GALNTL6: variants seen among roughly 807,000 people sequenced by gnomAD.
The protein encoded by GALNTL6 is polypeptide N-acetylgalactosaminyltransferase-like 6.
Under a neutral mutation model 73.7 loss-of-function variants are expected in GALNTL6, and 46 were observed. The observed-to-expected ratio is 0.62, with a 90% CI of 0.49 to 0.80. GALNTL6 has a LOEUF of 0.80. Ranked by LOEUF, GALNTL6 falls within the 30% of genes least tolerant of loss-of-function variation. The pLI is 0.00. For synonymous variants in GALNTL6, 259 were observed against 263.7 expected (o/e 0.98, Z 0.17); for missense variants, 604 against 755.0 (o/e 0.80, Z 2.34).
chr4:172,052,868 A>G (rs1023563373), intron 2 of GALNTL6, among the ~76,000 whole-genome samples: 33 of 152,268 alleles, frequency 2.2e-4, no homozygotes, highest in African/African-American at 7.9e-4. Context: ...TCTCTCACAC[A>G]CACAATTGTA....
At chr4:172,581,465 T>C (rs117694574) in intron 5 of GALNTL6, among the ~76,000 whole-genome samples, 11 of 152,322 alleles carry the variant, frequency 7.2e-5, no homozygotes, top group African/African-American at 2.6e-4. Context: ...TTACTCCCCA[T>C]GTAGACAGCC....
intron 5 of GALNTL6, among the ~76,000 whole-genome samples, chr4:172,729,082 T>G (rs1735997133): frequency 6.6e-6 from 1 of 152,176 alleles, no homozygotes; most frequent in South Asian, 2.1e-4. Context: ...GTTTTTCCAT[T>G]ATTGAGTTGT....
chr4:172,637,918 C>CT, intron 5 of GALNTL6, among the ~76,000 whole-genome samples: 1 of 152,112 alleles, frequency 6.6e-6, no homozygotes, highest in Non-Finnish European at 1.5e-5. Flanking sequence ...TTTTTGTCCT[C>CT]TTTTATTACC....
intron 5 of GALNTL6, chr4:172,666,670 T>C (rs1364807667): frequency 2.6e-5 from 4 of 152,230 alleles, no homozygotes; most frequent in Admixed American, 6.5e-5. Flanking sequence ...TGTCTTCCTT[T>C]ACCACCCTGA....
chr4:172,448,746 C>A (rs1473179751), intron 5 of GALNTL6, among the ~76,000 whole-genome samples: 2 of 152,022 alleles, frequency 1.3e-5, no homozygotes, highest in East Asian at 3.9e-4. Flanking sequence ...TCTTGGGGAG[C>A]AGACAAGAAG....
chr4:172,262,902 T>C (rs1329217873), intron 3 of GALNTL6, among the ~76,000 whole-genome samples: 2 of 151,574 alleles, frequency 1.3e-5, no homozygotes, highest in Admixed American at 6.6e-5. Context: ...GATACAAAAT[T>C]CTTGGCTGAC....
At chr4:172,247,792 G>C (rs2111007168) in intron 3 of GALNTL6, among the ~76,000 whole-genome samples, 1 of 151,918 alleles carries the variant, frequency 6.6e-6, no homozygotes, top group Non-Finnish European at 1.5e-5. Context: ...CATACACTTA[G>C]GTTAAAATAA....
intron 5 of GALNTL6, among the ~76,000 whole-genome samples, chr4:172,802,416 G>T (rs1306367000): frequency 1.3e-5 from 2 of 151,874 alleles, no homozygotes; most frequent in Non-Finnish European, 2.9e-5. Context: ...TTTTATTGGG[G>T]GTCTGAAGAA....
intron 2 of GALNTL6, among the ~76,000 whole-genome samples, chr4:172,154,882 G>T (rs1233066139): frequency 6.6e-6 from 1 of 152,318 alleles, no homozygotes; most frequent in Middle Eastern, 3.4e-3. Context: ...GCTGTAGTCT[G>T]AAAGTTTATG....
At chr4:172,749,145 A>T (rs564153968) in intron 5 of GALNTL6, among the ~76,000 whole-genome samples, 2 of 152,092 alleles carry the variant, frequency 1.3e-5, no homozygotes, top group Admixed American at 1.3e-4. Flanking sequence ...CTGGTCTCAA[A>T]CTATACAATT....
chr4:172,222,403 T>C (rs1472740547), intron 2 of GALNTL6, among the ~76,000 whole-genome samples: 1 of 151,902 alleles, frequency 6.6e-6, no homozygotes, highest in African/African-American at 2.4e-5. Flanking sequence ...ATAAATCCCA[T>C]AAGGAAATAT....
chr4:172,239,968 C>T (rs1165169483), intron 3 of GALNTL6, among the ~76,000 whole-genome samples: 1 of 152,118 alleles, frequency 6.6e-6, no homozygotes, highest in African/African-American at 2.4e-5. Flanking sequence ...GTGACCTGCT[C>T]CTTCTCTTTA....
rs112088504 is a variant in GALNTL6, at chr4:172,074,009, C to T, written c.139-155647C>T. Among the ~76,000 whole-genome samples the T allele has an allele frequency of 2.5e-3, 377 of 152,280 alleles. 2 individuals carry two copies. The highest frequency in any genetic ancestry group is 8.2e-3 in the African/African-American group (340 of 41,564). ...CAGTAAGTTAGATCCTTAACTTCCC[C>T]TTATCTCTACTCCCTCACCTGTAGA... On this transcript the variant is annotated intron_variant, in intron 2 of 12. Transcript: ENST00000506823.
At chr4:172,409,888 A>G (rs1744372058) in intron 5 of GALNTL6, among the ~76,000 whole-genome samples, 1 of 152,084 alleles carries the variant, frequency 6.6e-6, no homozygotes, top group Admixed American at 6.6e-5. Flanking sequence ...TTGAGCATCT[A>G]TAATGTGCTA....
intron 3 of GALNTL6, among the ~76,000 whole-genome samples, chr4:172,246,818 G>A (rs916188846): frequency 1.4e-5 from 2 of 143,190 alleles, no homozygotes; most frequent in Admixed American, 6.9e-5. Context: ...ATATATATAT[G>A]TATATATATA....
At chr4:172,177,752 T>TGTACAC (rs1560955363) in intron 2 of GALNTL6, among the ~76,000 whole-genome samples, 7 of 132,734 alleles carry the variant, frequency 5.3e-5, no homozygotes, top group African/African-American at 2.6e-4. Context: ...TGTGTATATA[T>TGTACAC]ATGTGTGTAT....
intron 2 of GALNTL6, among the ~76,000 whole-genome samples, chr4:172,099,401 AGTG>A (rs1159752897): frequency 6.6e-6 from 1 of 152,212 alleles, no homozygotes; most frequent in African/African-American, 2.4e-5. Context: ...CAATTTTGTA[AGTG>A]ATGATACCCG....
chr4:172,421,154 TAAAGTA>T (rs1349721855), intron 5 of GALNTL6, among the ~76,000 whole-genome samples: 1 of 151,924 alleles, frequency 6.6e-6, no homozygotes, highest in Non-Finnish European at 1.5e-5. Context: ...TCCCAGAACT[TAAAGTA>T]AAATAAAATA....
intron 10 of GALNTL6, among the ~76,000 whole-genome samples, chr4:172,955,002 T>A (rs1749643996): frequency 6.6e-6 from 1 of 152,152 alleles, no homozygotes; most frequent in South Asian, 2.1e-4. Flanking sequence ...AGACAAGGGT[T>A]TGCACTGTTA....
Sources: gnomAD v4.1 joint callset for allele counts (sites outside exome capture counted in the v4.1 genomes callset) on GRCh38, gnomAD v4.1.1 for gene constraint, MANE v1.5 for transcripts, NCBI Gene and HGNC (gene_info 2026-07-23, HGNC 2026-07-21) for gene names.